Variants in CDH13 observed in about 807,000 individuals in gnomAD.
The protein encoded by CDH13 is cadherin-13.
In CDH13, 24 loss-of-function variants were observed where a neutral mutation model predicts 63.8. That is an observed-to-expected ratio of 0.38 (90% CI 0.27 to 0.53). The LOEUF is 0.53. CDH13 is among the 20% of genes least tolerant of loss of function. CDH13 has a pLI of 0.85. For missense variants in CDH13, 1,049 were observed against 903.1 expected, an observed-to-expected ratio of 1.16 and a Z score of -2.07; for synonymous variants, 503 against 355.3, an observed-to-expected ratio of 1.42 and a Z score of -4.67.
intron 1 of CDH13, among the ~76,000 whole-genome samples, chr16:82,680,862 G>A (rs556315633): frequency 6.6e-6 from 1 of 152,316 alleles, no homozygotes; most frequent in Non-Finnish European, 1.5e-5. Flanking sequence ...AACCTGGGTG[G>A]TGGCCATAAA....
chr16:82,926,438 C>G (rs1010224123), intron 2 of CDH13, among the ~76,000 whole-genome samples: 2 of 152,218 alleles, frequency 1.3e-5, no homozygotes, highest in African/African-American at 4.8e-5. Context: ...GCATTATAAA[C>G]CTTGCCCTGA....
intron 1 of CDH13, among the ~76,000 whole-genome samples, chr16:82,693,845 A>G (rs1457525618): frequency 6.6e-6 from 1 of 152,216 alleles, no homozygotes; most frequent in Non-Finnish European, 1.5e-5. Flanking sequence ...TTAAAATTCC[A>G]GTGAACTCTT....
At chr16:83,241,902 T>C (rs1904489695) in intron 5 of CDH13, among the ~76,000 whole-genome samples, 1 of 152,208 alleles carries the variant, frequency 6.6e-6, no homozygotes, top group South Asian at 2.1e-4. Flanking sequence ...ATATAAGAAA[T>C]CATTGTAAAA....
chr16:83,270,770 A>G (rs2088779387), intron 5 of CDH13, among the ~76,000 whole-genome samples: 1 of 151,712 alleles, frequency 6.6e-6, no homozygotes, highest in Non-Finnish European at 1.5e-5. Flanking sequence ...TTTACACATC[A>G]TTTACATTTA....
intron 11 of CDH13, among the ~76,000 whole-genome samples, chr16:83,751,445 T>C (rs997763271): frequency 1.3e-5 from 2 of 150,484 alleles, no homozygotes; most frequent in Non-Finnish European, 3.0e-5. Context: ...AAAAAAAATA[T>C]ACCTCCCCTC....
intron 1 of CDH13, among the ~76,000 whole-genome samples, chr16:82,679,633 C>T (rs1482716802): frequency 6.6e-6 from 1 of 152,172 alleles, no homozygotes; most frequent in Non-Finnish European, 1.5e-5. Context: ...GTCTCTGTTG[C>T]TTCCCAGTGG....
At chr16:83,686,882 G>T (rs1357828540) in intron 10 of CDH13, among the ~76,000 whole-genome samples, 2 of 152,112 alleles carry the variant, frequency 1.3e-5, no homozygotes, top group African/African-American at 2.4e-5. Context: ...CTGGGTTGGG[G>T]GTGACTGCAT....
At chr16:82,948,173 C>G (rs572974081) in intron 2 of CDH13, among the ~76,000 whole-genome samples, 1 of 152,136 alleles carries the variant, frequency 6.6e-6, no homozygotes, top group Non-Finnish European at 1.5e-5. Flanking sequence ...TCCCAAAGCA[C>G]CCGAGTAAGT....
intron 3 of CDH13, among the ~76,000 whole-genome samples, chr16:83,054,516 A>G (rs923664443): frequency 6.6e-6 from 1 of 152,230 alleles, no homozygotes; most frequent in Non-Finnish European, 1.5e-5. Flanking sequence ...ATTCATGTCC[A>G]GAACAGGACA....
intron 10 of CDH13, among the ~76,000 whole-genome samples, chr16:83,742,714 T>C (rs1476131087): frequency 2.0e-5 from 3 of 152,156 alleles, no homozygotes; most frequent in Non-Finnish European, 4.4e-5. Flanking sequence ...TCCCTCCACA[T>C]CGGGAACGAT....
At chr16:83,404,479 G>A (rs1303009438) in intron 6 of CDH13, among the ~76,000 whole-genome samples, 3 of 152,220 alleles carry the variant, frequency 2.0e-5, no homozygotes, top group Non-Finnish European at 2.9e-5. Context: ...AGGATTAAGT[G>A]ATGCGTGCAA....
chr16:82,844,017 T>G (rs2039143801), intron 1 of CDH13, among the ~76,000 whole-genome samples: 1 of 152,220 alleles, frequency 6.6e-6, no homozygotes, highest in African/African-American at 2.4e-5. Context: ...TTCCCTCTTG[T>G]AAGCTTCTCA....
chr16:83,040,889 G>A (rs1415168074), intron 3 of CDH13, among the ~76,000 whole-genome samples: 1 of 152,138 alleles, frequency 6.6e-6, no homozygotes, highest in East Asian at 1.9e-4. Context: ...GGCAAACTGA[G>A]GTGACCCAGT....
Position 83,185,016 on chromosome 16 carries a change from C to G in CDH13, c.484-32329C>G, listed in dbSNP as rs1007333424. Among the ~76,000 whole-genome samples, 4 of 151,964 alleles carry G rather than the reference C, an allele frequency of 2.6e-5. No homozygotes were observed. In the East Asian group the frequency reaches 7.7e-4, roughly 29 times the overall value. Reference sequence around the variant, plus strand: ...TGTGTGGGTATATATACACTTTCCTCTATCTTTCTGATATACCTATCTATA... The same window carrying G: ...TGTGTGGGTATATATACACTTTCCTGTATCTTTCTGATATACCTATCTATA... On this transcript the variant is annotated intron_variant, in intron 4 of 13. Transcript: ENST00000567109.
chr16:83,014,844 A>C (rs1243880975), intron 2 of CDH13, among the ~76,000 whole-genome samples: 1 of 54,388 alleles, frequency 1.8e-5, no homozygotes, highest in Non-Finnish European at 3.4e-5. Flanking sequence ...ATATATTTGT[A>C]TATATATATT....
At chr16:83,155,459 G>A (rs1330772664) in intron 4 of CDH13, among the ~76,000 whole-genome samples, 1 of 152,164 alleles carries the variant, frequency 6.6e-6, no homozygotes, top group African/African-American at 2.4e-5. Flanking sequence ...GGACGATGGG[G>A]AAAATAAAGG....
At chr16:83,346,178 G>A (rs1322957455) in intron 6 of CDH13, among the ~76,000 whole-genome samples, 4 of 152,192 alleles carry the variant, frequency 2.6e-5, no homozygotes, top group Non-Finnish European at 5.9e-5. Flanking sequence ...GCTGGAGGGT[G>A]TTTAGGGGAG....
chr16:83,161,425 T>C (rs373384462), intron 4 of CDH13, among the ~76,000 whole-genome samples: 1 of 152,214 alleles, frequency 6.6e-6, no homozygotes, highest in Non-Finnish European at 1.5e-5. Flanking sequence ...GTAATTCTAA[T>C]TGTATTTTAA....
intron 2 of CDH13, among the ~76,000 whole-genome samples, chr16:82,978,119 C>T (rs555963784): frequency 2.6e-3 from 403 of 152,204 alleles, no homozygotes; most frequent in Non-Finnish European, 4.2e-3. Context: ...GGGTATCTGG[C>T]AGAATAAATC....
Sources: allele counts gnomAD v4.1 joint callset (sites outside exome capture counted in the v4.1 genomes callset), GRCh38; gene constraint gnomAD v4.1.1; transcripts MANE v1.5; gene names NCBI Gene and HGNC (gene_info 2026-07-23, HGNC 2026-07-21).